The following CMIP variants were observed in gnomAD, a reference collection of about 807,000 sequenced individuals.
The protein encoded by CMIP is c-Maf inducing protein.
In CMIP, 13 loss-of-function variants were observed where a neutral mutation model predicts 97.3. The observed-to-expected ratio is 0.13, with a 90% confidence interval of 0.09 to 0.21. CMIP has a LOEUF of 0.21. Among genes scored for constraint, CMIP ranks in the 10% least tolerant of loss-of-function variants. CMIP has a pLI of 1.00. For synonymous variants in CMIP, 538 were observed against 436.3 expected (o/e 1.23, Z -2.91); for missense variants, 847 against 1,024.9 (o/e 0.83, Z 2.37).
chr16:81,636,246 C>T (rs1445303514), intron 3 of CMIP, among the ~76,000 whole-genome samples: 1 of 152,086 alleles, frequency 6.6e-6, no homozygotes, highest in Non-Finnish European at 1.5e-5. Context: ...ACTGAAAAGT[C>T]AAAAGTAGTA....
intron 3 of CMIP, among the ~76,000 whole-genome samples, chr16:81,633,685 C>G (rs1175007732): frequency 3.9e-5 from 6 of 152,224 alleles, no homozygotes; most frequent in African/African-American, 1.2e-4. Context: ...TTCAGAGAAA[C>G]TGAGGCCACT....
At chr16:81,607,841 T>C (rs2091769910) in intron 2 of CMIP, 149 bp downstream of exon 2, 1 of 899,906 alleles carries the variant, frequency 1.1e-6, no homozygotes, top group Non-Finnish European at 1.7e-6. Context: ...AAGAAAGCTG[T>C]AAACCAGGTC....
chr16:81,523,922 G>A (rs1312901824), intron 1 of CMIP, among the ~76,000 whole-genome samples: 3 of 152,364 alleles, frequency 2.0e-5, no homozygotes, highest in Middle Eastern at 3.4e-3. Context: ...CCTGCACACC[G>A]GCAGAACTTT....
chr16:81,498,960 C>T (rs1454027073), intron 1 of CMIP, among the ~76,000 whole-genome samples: 1 of 152,230 alleles, frequency 6.6e-6, no homozygotes, highest in Non-Finnish European at 1.5e-5. Flanking sequence ...AGTAGGACCC[C>T]ATGTACAAGC....
chr16:81,662,138 G>A (rs372439383), intron 6 of CMIP, among the ~76,000 whole-genome samples: 6 of 149,014 alleles, frequency 4.0e-5, no homozygotes, highest in South Asian at 4.2e-4. Flanking sequence ...CTGAGAGAAC[G>A]GCCAGCTGCT....
chr16:81,460,963 A>T (rs1055413523), intron 1 of CMIP, among the ~76,000 whole-genome samples: 2 of 152,152 alleles, frequency 1.3e-5, no homozygotes, highest in Admixed American at 1.3e-4. Flanking sequence ...TTCAATGATG[A>T]AGGAAACTGA....
At chr16:81,525,866 A>G (rs1032990594) in intron 1 of CMIP, among the ~76,000 whole-genome samples, 2 of 152,042 alleles carry the variant, frequency 1.3e-5, no homozygotes, top group African/African-American at 4.8e-5. Flanking sequence ...GAATCAGAAG[A>G]TTTGTCTTTT....
intron 1 of CMIP, among the ~76,000 whole-genome samples, chr16:81,474,680 C>G (rs565019247): frequency 6.6e-6 from 1 of 152,198 alleles, no homozygotes; most frequent in Non-Finnish European, 1.5e-5. Flanking sequence ...AACCACTGTC[C>G]GCCTGCGGAG....
chr16:81,628,401 G>A (rs1240331036), intron 3 of CMIP, among the ~76,000 whole-genome samples: 4 of 152,196 alleles, frequency 2.6e-5, no homozygotes, highest in Non-Finnish European at 4.4e-5. Flanking sequence ...GCTGGTCCTC[G>A]AGCCATGATG....
At chr16:81,587,689 C>G (rs2091404871) in intron 1 of CMIP, among the ~76,000 whole-genome samples, 1 of 152,260 alleles carries the variant, frequency 6.6e-6, no homozygotes, top group African/African-American at 2.4e-5. Context: ...CCAGAACTTT[C>G]CTCTACTGCT....
chr16:81,707,186 G>A (rs925645849), intron 20 of CMIP, 102 bp downstream of exon 20: 6 of 914,960 alleles, frequency 6.6e-6, no homozygotes, highest in Non-Finnish European at 1.1e-5. Flanking sequence ...AGTAAAGGAT[G>A]ATGACATCTA....
intron 1 of CMIP, among the ~76,000 whole-genome samples, chr16:81,479,778 C>G (rs917134325): frequency 1.3e-5 from 2 of 152,154 alleles, no homozygotes; most frequent in Admixed American, 1.3e-4. Context: ...TACCCGTTAA[C>G]AGTCACTCCT....
intron 10 of CMIP, among the ~76,000 whole-genome samples, chr16:81,687,495 G>A (rs989458357): frequency 1.3e-5 from 2 of 152,208 alleles, no homozygotes; most frequent in Admixed American, 6.5e-5. Context: ...GAACCCAGGT[G>A]GGGGAACTGG....
At chr16:81,641,213 A>G (rs1183825907) in intron 3 of CMIP, among the ~76,000 whole-genome samples, 1 of 152,116 alleles carries the variant, frequency 6.6e-6, no homozygotes. Flanking sequence ...GATTTGGTGC[A>G]GGGCCTGGCC....
chr16:81,557,349 G>GATGTTGGTTGAATTCACTC (rs2090785272), intron 1 of CMIP, among the ~76,000 whole-genome samples: 1 of 120,336 alleles, frequency 8.3e-6, no homozygotes, highest in African/African-American at 3.7e-5. Context: ...TGAATTTACT[G>GATGTTGGTTGAATTCACTC]ATGTTGGTTG....
At chr16:81,469,184 C>G (rs1483170054) in intron 1 of CMIP, among the ~76,000 whole-genome samples, 1 of 152,228 alleles carries the variant, frequency 6.6e-6, no homozygotes, top group Non-Finnish European at 1.5e-5. Context: ...GGGCTGGCAG[C>G]CCTTGGGGTC....
In CMIP at chr16:81,454,263, G is replaced by A. The variant is rs546278994; in HGVS notation, c.300+8722G>A. 1.8e-4 allele frequency among the ~76,000 whole-genome samples: 28 copies of A among 152,266 alleles called. No individual in the cohort carries two copies. In the South Asian group the frequency reaches 5.6e-3, roughly 30 times the overall value. ...CATTTAATTTTCACAACAATCCTGTGGGGTAGGTGTTTATTCCCATTTTAC... is the reference window on the plus strand; with the variant it reads ...CATTTAATTTTCACAACAATCCTGTAGGGTAGGTGTTTATTCCCATTTTAC... On this transcript the variant is annotated intron_variant, in intron 1 of 20. Transcript: ENST00000537098.
intron 1 of CMIP, among the ~76,000 whole-genome samples, chr16:81,497,145 A>G (rs1370504007): frequency 1.3e-5 from 2 of 152,184 alleles, no homozygotes; most frequent in African/African-American, 2.4e-5. Context: ...ACCCTCCTCC[A>G]ACCCCTGCCT....
intron 10 of CMIP, among the ~76,000 whole-genome samples, chr16:81,679,376 G>T (rs554986899): frequency 6.6e-6 from 1 of 152,076 alleles, no homozygotes; most frequent in Non-Finnish European, 1.5e-5. Context: ...TGTGCTGTAG[G>T]GTTAGAGAGC....
Sources: gnomAD v4.1 joint callset for allele counts (sites outside exome capture counted in the v4.1 genomes callset) on GRCh38, gnomAD v4.1.1 for gene constraint, MANE v1.5 for transcripts, NCBI Gene and HGNC (gene_info 2026-07-23, HGNC 2026-07-21) for gene names.